The following DNAJB4 variants were observed in gnomAD, a reference collection of about 807,000 sequenced individuals.
DNAJB4 encodes the protein dnaJ homolog subfamily B member 4.
Under a neutral mutation model 26.6 loss-of-function variants are expected in DNAJB4, and 10 were observed. The observed-to-expected ratio is 0.38, with a 90% CI of 0.23 to 0.64. The LOEUF is 0.64. DNAJB4 is among the 30% of genes least tolerant of loss of function. The pLI is 0.58. For missense variants in DNAJB4, 328 were observed against 408.2 expected, an observed-to-expected ratio of 0.80 and a Z score of 1.69; for synonymous variants, 136 against 134.8, an observed-to-expected ratio of 1.01 and a Z score of -0.06.
chr1:77,998,918 T>A (rs902343297), intron 1 of DNAJB4, among the ~76,000 whole-genome samples: 1 of 152,162 alleles, frequency 6.6e-6, no homozygotes, highest in African/African-American at 2.4e-5. Flanking sequence ...AAAATTTCCC[T>A]ATTTTTCCCC....
chr1:78,009,513 C>T (rs1660412990), intron 1 of DNAJB4, among the ~76,000 whole-genome samples: 1 of 152,090 alleles, frequency 6.6e-6, no homozygotes, highest in Non-Finnish European at 1.5e-5. Flanking sequence ...AAAGTGATGA[C>T]GATGTCTAGA....
chr1:78,004,130 T>C (rs1660259538), upstream of DNAJB4, among the ~76,000 whole-genome samples: 1 of 152,200 alleles, frequency 6.6e-6, no homozygotes, highest in Admixed American at 6.5e-5. Context: ...TACTTTGTTC[T>C]AGCTTTCCTG....
At chr1:78,013,712 C>A in intron 2 of DNAJB4, 93 bp downstream of exon 2, 1 of 974,632 alleles carries the variant, frequency 1.0e-6, no homozygotes, top group Non-Finnish European at 1.5e-6. Context: ...TTATTTAATG[C>A]CTATTATACG....
chr1:78,014,369 A>G (rs1464098618), intron 2 of DNAJB4, among the ~76,000 whole-genome samples: 1 of 151,926 alleles, frequency 6.6e-6, no homozygotes, highest in Non-Finnish European at 1.5e-5. Flanking sequence ...TGGCCTCCCA[A>G]AGTGCTAGGA....
At chr1:78,007,930 A>G (rs1660373650) in intron 1 of DNAJB4, among the ~76,000 whole-genome samples, 1 of 152,222 alleles carries the variant, frequency 6.6e-6, no homozygotes, top group African/African-American at 2.4e-5. Context: ...GGTGGGAATA[A>G]GGAACCATAA....
At chr1:78,001,038 G>A (rs1351839829), upstream of DNAJB4, among the ~76,000 whole-genome samples, 1 of 151,658 alleles carries the variant, frequency 6.6e-6, no homozygotes, top group East Asian at 1.9e-4. Context: ...GTTTATGCCT[G>A]TAATTCCAGG....
intron 1 of DNAJB4, among the ~76,000 whole-genome samples, chr1:77,984,118 A>G (rs956760369): frequency 2.0e-5 from 3 of 152,204 alleles, no homozygotes; most frequent in Non-Finnish European, 4.4e-5. Flanking sequence ...GAAACTGCCA[A>G]TTAACCTTTA....
At chr1:77,980,333 A>ATG (rs566744542) in intron 1 of DNAJB4, 1 of 123,012 alleles carries the variant, frequency 8.1e-6, no homozygotes, top group African/African-American at 3.8e-5. Flanking sequence ...GTATATATAT[A>ATG]TATATATGTG....
intron 2 of DNAJB4, among the ~76,000 whole-genome samples, chr1:78,014,792 G>T (rs970804585): frequency 6.6e-6 from 1 of 151,816 alleles, no homozygotes; most frequent in Non-Finnish European, 1.5e-5. Context: ...GTAGCGATAG[G>T]TTTTCACCAT....
chr1:77,993,589 A>G (rs1440634132), intron 1 of DNAJB4, among the ~76,000 whole-genome samples: 1 of 152,154 alleles, frequency 6.6e-6, no homozygotes, highest in Non-Finnish European at 1.5e-5. Flanking sequence ...GTGCTGGGAT[A>G]TAGGCATGAG....
intron 1 of DNAJB4, among the ~76,000 whole-genome samples, chr1:77,995,640 T>TA (rs1660042567): frequency 6.6e-6 from 1 of 152,158 alleles, no homozygotes; most frequent in Admixed American, 6.5e-5. Context: ...TTTTTGTAGA[T>TA]ACGAGGTCTC....
At chr1:78,004,544 A>T (rs1295401330), upstream of DNAJB4, 1 of 152,142 alleles carries the variant, frequency 6.6e-6, no homozygotes, top group Non-Finnish European at 1.5e-5. Context: ...GCTTAAAATT[A>T]AAAAATCCCT....
chr1:78,003,435 TA>T (rs1245030493), upstream of DNAJB4, among the ~76,000 whole-genome samples: 1 of 152,214 alleles, frequency 6.6e-6, no homozygotes, highest in Non-Finnish European at 1.5e-5. Flanking sequence ...TAGAAAATCG[TA>T]GCTGTCAAAA....
chr1:78,013,735 AC>A (rs1202640855), intron 2 of DNAJB4, 116 bp downstream of exon 2: 1 of 819,586 alleles, frequency 1.2e-6, no homozygotes, highest in African/African-American at 1.7e-5. Context: ...AAAAATAATT[AC>A]TATAAAAATC....
chr1:77,995,056 A>C (rs997396857), intron 1 of DNAJB4, among the ~76,000 whole-genome samples: 3 of 152,132 alleles, frequency 2.0e-5, no homozygotes, highest in Non-Finnish European at 4.4e-5. Context: ...GCCACATGAG[A>C]CTCTTAAGCT....
At chr1:78,004,884 G>A (rs1660289549), upstream of DNAJB4, 1 of 531,458 alleles carries the variant, frequency 1.9e-6, no homozygotes, top group South Asian at 2.3e-5. Flanking sequence ...GGAGGATCTA[G>A]AAGGAGGCTG....
rs375635987 is a variant in DNAJB4, at chr1:78,009,688, G to A, written c.212-3363G>A. ...CTTGCATAATAATGTATATTAAAGTGGCATGAATTTTGGTAGGATTTTTTT... is the reference window on the plus strand; with the variant it reads ...CTTGCATAATAATGTATATTAAAGTAGCATGAATTTTGGTAGGATTTTTTT... On this transcript the variant is annotated intron_variant, in intron 1 of 2. Transcript: ENST00000370763. Among the ~76,000 whole-genome samples, 11 of 152,274 alleles carry A rather than the reference G, an allele frequency of 7.2e-5. No homozygotes were observed. In the East Asian group the frequency reaches 2.1e-3, roughly 29 times the overall value.
chr1:77,994,479 G>A (rs1660013860), intron 1 of DNAJB4, among the ~76,000 whole-genome samples: 1 of 151,668 alleles, frequency 6.6e-6, no homozygotes, highest in Non-Finnish European at 1.5e-5. Context: ...GTTTGTTGCA[G>A]TCTTGGCTAA....
At chr1:77,984,171 T>C (rs1329529279) in intron 1 of DNAJB4, among the ~76,000 whole-genome samples, 1 of 152,220 alleles carries the variant, frequency 6.6e-6, no homozygotes, top group Non-Finnish European at 1.5e-5. Context: ...AGGCTGTTGC[T>C]CCACTTTAAT....
Sources: gnomAD v4.1 joint callset for allele counts (sites outside exome capture counted in the v4.1 genomes callset) on GRCh38, gnomAD v4.1.1 for gene constraint, MANE v1.5 for transcripts, NCBI Gene and HGNC (gene_info 2026-07-23, HGNC 2026-07-21) for gene names.